The following MTHFD1L variants were observed in gnomAD, a reference collection of about 807,000 sequenced individuals.
MTHFD1L encodes methylenetetrahydrofolate dehydrogenase (NADP+ dependent) 1 like.
MTHFD1L carries 81 observed loss-of-function variants against 119.5 expected under a neutral mutation model. The ratio of observed to expected loss-of-function variants is 0.68; its 90% CI spans 0.57 to 0.82. The LOEUF is 0.82. MTHFD1L is among the 40% of genes least tolerant of loss of function. The pLI, the probability that MTHFD1L is intolerant of heterozygous loss-of-function variation, is 0.00. For missense variants in MTHFD1L, 1,125 were observed against 1,253.4 expected (o/e 0.90, Z 1.55); for synonymous variants, 430 against 475.2 (o/e 0.90, Z 1.24).
chr6:150,927,950 A>G (rs2128914180), intron 11 of MTHFD1L, among the ~76,000 whole-genome samples: 1 of 152,288 alleles, frequency 6.6e-6, no homozygotes, highest in Admixed American at 6.5e-5. Context: ...AACATAGAAT[A>G]GGGATGTTCC....
At chr6:151,007,218 C>G (rs571577750) in intron 20 of MTHFD1L, among the ~76,000 whole-genome samples, 2 of 151,994 alleles carry the variant, frequency 1.3e-5, no homozygotes, top group East Asian at 1.9e-4. Flanking sequence ...CCATCACCCC[C>G]TCTCTCCAAC....
rs868545153 is a variant in MTHFD1L at position 151,029,494 on chromosome 6, G to A, written c.2587-4999G>A. Among the ~76,000 whole-genome samples, 8 of 147,138 alleles carry A rather than the reference G, an allele frequency of 5.4e-5. No homozygotes were observed. In the South Asian group the frequency reaches 6.5e-4, roughly 12 times the overall value. ...GATAGATTTCTTACAAAACATTTTC[G>A]TGTTTAAAAATAACAAATCAGGCCA... On this transcript the variant is annotated intron_variant, in intron 24 of 27. Coordinates refer to ENST00000367321, the MANE Select transcript of MTHFD1L (RefSeq NM_015440.5).
intron 26 of MTHFD1L, among the ~76,000 whole-genome samples, chr6:151,083,941 G>A (rs188720654): frequency 8.6e-4 from 131 of 152,284 alleles, no homozygotes; most frequent in African/African-American, 3.1e-3. Context: ...TGACCTCACA[G>A]GGTTCTTGGG....
At chr6:151,074,275 AC>A (rs1792280061) in intron 26 of MTHFD1L, among the ~76,000 whole-genome samples, 1 of 152,224 alleles carries the variant, frequency 6.6e-6, no homozygotes, top group African/African-American at 2.4e-5. Flanking sequence ...CCAGTTGGAA[AC>A]CTGAATCTAC....
At chr6:150,927,700 A>G (rs762233053) in intron 11 of MTHFD1L, among the ~76,000 whole-genome samples, 1 of 151,694 alleles carries the variant, frequency 6.6e-6, no homozygotes, top group Non-Finnish European at 1.5e-5. Context: ...CAAGTGATCC[A>G]CCCACCTTGG....
Position 151,034,483 on chromosome 6 carries a change from G to T in MTHFD1L, c.2587-10G>T. Reference sequence around the variant, plus strand: ...CTTATACAATTTTGTTATAATTTGTGTTTCTCCAGGTTCCAATTGTGGACA... The same window carrying T: ...CTTATACAATTTTGTTATAATTTGTTTTTCTCCAGGTTCCAATTGTGGACA... On this transcript the variant is annotated splice_polypyrimidine_tract_variant and intron_variant, in intron 24 of 27. Transcript: ENST00000367321. 6.4e-7 allele frequency: 1 copy of T among 1,561,734 alleles called. No individual in the cohort carries two copies.
At chr6:150,904,230 T>A (rs530449719) in intron 7 of MTHFD1L, among the ~76,000 whole-genome samples, 77 of 152,296 alleles carry the variant, frequency 5.1e-4, no homozygotes, top group African/African-American at 1.6e-3. Flanking sequence ...AACACGTTTA[T>A]TTGGTGGTTT....
At chr6:151,053,436 T>C (rs1293932870) in intron 26 of MTHFD1L, among the ~76,000 whole-genome samples, 1 of 152,200 alleles carries the variant, frequency 6.6e-6, no homozygotes, top group Non-Finnish European at 1.5e-5. Flanking sequence ...ACTTTGGGCC[T>C]GAAAATACTT....
intron 13 of MTHFD1L, among the ~76,000 whole-genome samples, chr6:150,941,277 C>G (rs543087649): frequency 6.6e-6 from 1 of 152,088 alleles, no homozygotes; most frequent in Non-Finnish European, 1.5e-5. Context: ...GCTGGAGCCC[C>G]GTGGGCCAGC....
chr6:150,973,203 G>C (rs1163726009), intron 20 of MTHFD1L, among the ~76,000 whole-genome samples: 1 of 152,226 alleles, frequency 6.6e-6, no homozygotes, highest in African/African-American at 2.4e-5. Flanking sequence ...TATTAGAAGA[G>C]AGTGTGCTGG....
rs564759453 is a variant in MTHFD1L, at chr6:151,068,036, C to T, written c.2848-24431C>T. ...AGAGGACTTGAATAACAGATTTATT[C>T]TCGGGCACTGGTACATGAAAGAGAT... is the stretch of plus-strand genomic sequence containing the variant. On this transcript the variant is annotated intron_variant, in intron 26 of 27. Transcript: ENST00000367321. 7.2e-5 allele frequency among the ~76,000 whole-genome samples: 11 copies of T among 152,316 alleles called. No homozygotes were observed. In the South Asian group the frequency reaches 2.1e-3, roughly 29 times the overall value.
chr6:150,881,399 G>C (rs553722439), intron 4 of MTHFD1L, among the ~76,000 whole-genome samples: 7 of 152,252 alleles, frequency 4.6e-5, no homozygotes, highest in Admixed American at 3.3e-4. Context: ...TTTTGACAAG[G>C]AATCATTTAT....
intron 27 of MTHFD1L, chr6:151,099,670 T>C (rs927892841): frequency 6.2e-7 from 1 of 1,607,008 alleles, no homozygotes. Flanking sequence ...TCGTAGAAGA[T>C]TCAGGGTCCA....
rs149162346 is a variant in MTHFD1L at position 151,032,657 on chromosome 6, G to A, written c.2587-1836G>A. Among the ~76,000 whole-genome samples the A allele has an allele frequency of 8.9e-3, 1,359 of 152,294 alleles. 18 individuals carry two copies. Among genetic ancestry groups the A allele is most frequent in the African/African-American group, 0.03 (1,249 of 41,550 alleles). On this transcript the variant is annotated intron_variant, in intron 24 of 27. Coordinates refer to ENST00000367321, the MANE Select transcript of MTHFD1L (RefSeq NM_015440.5). Reference sequence around the variant, plus strand: ...TTTTATTGGACTTGCATTGAACTGAGTAAGTTTCAGAGAAGTGACGTCTGT... The same window carrying A: ...TTTTATTGGACTTGCATTGAACTGAATAAGTTTCAGAGAAGTGACGTCTGT...
chr6:150,987,469 C>T (rs1018747668), intron 20 of MTHFD1L, among the ~76,000 whole-genome samples: 74 of 152,240 alleles, frequency 4.9e-4, no homozygotes, highest in African/African-American at 1.7e-3. Context: ...GTGCTGAGCA[C>T]CCTGCTTGGT....
intron 18 of MTHFD1L, among the ~76,000 whole-genome samples, chr6:150,962,899 T>G (rs1562462020): frequency 6.8e-6 from 1 of 147,948 alleles, no homozygotes; most frequent in African/African-American, 2.5e-5. Context: ...GAAGATTTCT[T>G]TTTTCTTTTC....
chr6:151,065,896 A>G (rs1398283091), intron 26 of MTHFD1L, among the ~76,000 whole-genome samples: 1 of 152,212 alleles, frequency 6.6e-6, no homozygotes, highest in African/African-American at 2.4e-5. Flanking sequence ...TGTAGAGTAG[A>G]AGAACTAAAT....
chr6:150,985,849 C>T (rs554962354), intron 20 of MTHFD1L, among the ~76,000 whole-genome samples: 1 of 152,210 alleles, frequency 6.6e-6, no homozygotes, highest in South Asian at 2.1e-4. Flanking sequence ...CTCAGCCTTG[C>T]ACTGTGGAAT....
At chr6:150,896,100 G>A (rs1784164058) in intron 7 of MTHFD1L, among the ~76,000 whole-genome samples, 1 of 152,024 alleles carries the variant, frequency 6.6e-6, no homozygotes, top group Non-Finnish European at 1.5e-5. Context: ...TGGTAGAGGT[G>A]GCAAAACAGC....
Sources: gnomAD v4.1 joint callset for allele counts (sites outside exome capture counted in the v4.1 genomes callset) on GRCh38, gnomAD v4.1.1 for gene constraint, MANE v1.5 for transcripts, NCBI Gene and HGNC (gene_info 2026-07-23, HGNC 2026-07-21) for gene names.